The following FANCC variants were observed in gnomAD, a reference collection of about 807,000 sequenced individuals.
FANCC encodes the protein FA complementation group C.
In FANCC, 55 loss-of-function variants were observed where a neutral mutation model predicts 71.3. That is an observed-to-expected ratio of 0.77 (90% confidence interval 0.62 to 0.97). The LOEUF (loss-of-function observed/expected upper bound fraction) is 0.97, where lower values mean the gene tolerates loss of function less well. FANCC is among the 50% of genes least tolerant of loss of function. FANCC has a pLI of 0.00. For synonymous variants in FANCC, 275 were observed against 244.9 expected, an observed-to-expected ratio of 1.12 and a Z score of -1.15; for missense variants, 678 against 670.9, an observed-to-expected ratio of 1.01 and a Z score of -0.12.
intron 6 of FANCC, among the ~76,000 whole-genome samples, chr9:95,160,015 G>C (rs1830656182): frequency 1.3e-5 from 2 of 152,276 alleles, no homozygotes; most frequent in Non-Finnish European, 2.9e-5. Context: ...TTGCTGTGCA[G>C]AAGCTCTTTA....
In FANCC at chr9:95,114,652, T is replaced by G. The variant is rs2134631019; in HGVS notation, c.1131A>C (p.Glu377Asp). The change falls in exon 12 of 15, where the codon GAA becomes GAC. Residue 377 changes from glutamate to aspartate, a missense_variant. Coordinates refer to ENST00000289081, the MANE Select transcript of FANCC (RefSeq NM_000136.3). ...ACCCATGAGTCTGGTCTTCAACTGC[T>G]TCTCTGAGCAGTTCAGAAATATGCT... ...TLKHISELLR[E>D]AVEDQTHGSC... is the part of the protein sequence containing the mutation. The G allele has an allele frequency of 6.2e-7, 1 of 1,614,170 alleles. No homozygotes were observed.
intron 6 of FANCC, among the ~76,000 whole-genome samples, chr9:95,163,028 C>T (rs181347452): frequency 2.6e-5 from 4 of 152,152 alleles, no homozygotes; most frequent in East Asian, 3.8e-4. Flanking sequence ...AAGATCATTG[C>T]GAAGTCCAAT....
At chr9:95,297,673 C>T (rs374549177) in intron 1 of FANCC, among the ~76,000 whole-genome samples, 2 of 152,178 alleles carry the variant, frequency 1.3e-5, no homozygotes, top group South Asian at 4.1e-4. Flanking sequence ...ATAACTTCTA[C>T]AAAAGGATTT....
chr9:95,196,222 T>C (rs1334688856), intron 4 of FANCC, among the ~76,000 whole-genome samples: 1 of 152,216 alleles, frequency 6.6e-6, no homozygotes, highest in Non-Finnish European at 1.5e-5. Flanking sequence ...AAATATGATA[T>C]TCACTCTACG....
chr9:95,293,304 C>T (rs1834169976), intron 1 of FANCC: 1 of 1,613,340 alleles, frequency 6.2e-7, no homozygotes, highest in Non-Finnish European at 8.5e-7. Context: ...ACAGCCGACT[C>T]CTCAGCCCAG....
chr9:95,174,075 C>T (rs1825858174), intron 4 of FANCC, among the ~76,000 whole-genome samples: 1 of 152,140 alleles, frequency 6.6e-6, no homozygotes, highest in African/African-American at 2.4e-5. Flanking sequence ...GTCTGTGCTG[C>T]TATGGCAAAG....
At chr9:95,137,899 G>C (rs1386532568) in intron 7 of FANCC, among the ~76,000 whole-genome samples, 1 of 152,254 alleles carries the variant, frequency 6.6e-6, no homozygotes, top group East Asian at 1.9e-4. Context: ...GCACATGGCA[G>C]AGAGAGGAGA....
At chr9:95,107,798 A>T (rs1029179431) in intron 13 of FANCC, among the ~76,000 whole-genome samples, 1 of 152,148 alleles carries the variant, frequency 6.6e-6, no homozygotes, top group African/African-American at 2.4e-5. Context: ...GCATGCACAC[A>T]CAAGAACACA....
At chr9:95,155,322 GA>G in intron 6 of FANCC, among the ~76,000 whole-genome samples, 3 of 65,348 alleles carry the variant, frequency 4.6e-5, no homozygotes, top group Non-Finnish European at 3.1e-5. Flanking sequence ...GAGGGGAGGG[GA>G]GGGGAGGAAG....
intron 4 of FANCC, among the ~76,000 whole-genome samples, chr9:95,187,266 G>A (rs1711562020): frequency 6.6e-6 from 1 of 152,148 alleles, no homozygotes; most frequent in Non-Finnish European, 1.5e-5. Flanking sequence ...GATGAGCATG[G>A]AGTATAATCT....
chr9:95,199,316 AGCCCCACCCTG>A (rs1827658517), intron 4 of FANCC, among the ~76,000 whole-genome samples: 1 of 56,060 alleles, frequency 1.8e-5, no homozygotes, highest in Non-Finnish European at 4.3e-5. Context: ...TTGACTCTGC[AGCCCCACCCTG>A]CAGCCCCACC....
At chr9:95,241,017 T>C (rs544278665) in intron 3 of FANCC, among the ~76,000 whole-genome samples, 65 of 152,342 alleles carry the variant, frequency 4.3e-4, no homozygotes, top group Non-Finnish European at 7.1e-4. Flanking sequence ...GGCCTTGGGA[T>C]CACTTAACTC....
At chr9:95,128,104 C>T (rs1027686974) in intron 8 of FANCC, among the ~76,000 whole-genome samples, 9 of 152,226 alleles carry the variant, frequency 5.9e-5, no homozygotes, top group Admixed American at 5.2e-4. Flanking sequence ...TTCGTGGCTT[C>T]GAACTTAGGC....
intron 4 of FANCC, among the ~76,000 whole-genome samples, chr9:95,235,609 C>G (rs886270082): frequency 2.0e-5 from 3 of 152,106 alleles, no homozygotes; most frequent in African/African-American, 7.2e-5. Flanking sequence ...CTTTGGGAGG[C>G]TGAGGTGGGC....
chr9:95,182,646 G>A (rs1826448105), intron 4 of FANCC, among the ~76,000 whole-genome samples: 1 of 152,138 alleles, frequency 6.6e-6, no homozygotes, highest in Admixed American at 6.5e-5. Flanking sequence ...GCCTGGTGAA[G>A]GGTGCTGCAG....
intron 14 of FANCC, among the ~76,000 whole-genome samples, chr9:95,103,731 G>A (rs182802694): frequency 2.1e-4 from 32 of 152,324 alleles, no homozygotes; most frequent in African/African-American, 6.3e-4. Context: ...CGGGACAGCC[G>A]GGGAGTGGGC....
chr9:95,118,285 C>A (rs2072591831), intron 10 of FANCC, among the ~76,000 whole-genome samples: 1 of 152,218 alleles, frequency 6.6e-6, no homozygotes, highest in South Asian at 2.1e-4. Context: ...TCCCAAAGTG[C>A]TGGGGTTATA....
intron 1 of FANCC, among the ~76,000 whole-genome samples, chr9:95,281,690 G>A (rs903900970): frequency 1.3e-5 from 2 of 151,932 alleles, no homozygotes; most frequent in Admixed American, 6.6e-5. Flanking sequence ...TTTTAAGAAG[G>A]TTAAGACAAC....
At chr9:95,199,538 T>C (rs1411263989) in intron 4 of FANCC, among the ~76,000 whole-genome samples, 1 of 152,152 alleles carries the variant, frequency 6.6e-6, no homozygotes, top group Non-Finnish European at 1.5e-5. Flanking sequence ...CAGGGCGTGG[T>C]CTCTCGGTCT....
Sources: gnomAD v4.1 joint callset for allele counts (sites outside exome capture counted in the v4.1 genomes callset) on GRCh38, gnomAD v4.1.1 for gene constraint, MANE v1.5 for transcripts, NCBI Gene and HGNC (gene_info 2026-07-23, HGNC 2026-07-21) for gene names.